Variants in LDLRAD3 observed in about 807,000 individuals in gnomAD.
LDLRAD3 encodes low density lipoprotein receptor class A domain containing 3, also known as low-density lipoprotein receptor class A domain-containing protein 3.
LDLRAD3 carries 20 observed loss-of-function variants against 29.4 expected under a neutral mutation model. That is an observed-to-expected ratio of 0.68 (90% confidence interval 0.48 to 0.99). The LOEUF (loss-of-function observed/expected upper bound fraction) is 0.99, where lower values mean the gene tolerates loss of function less well. Ranked by LOEUF, LDLRAD3 falls within the 50% of genes least tolerant of loss-of-function variation. The pLI is 0.00. For synonymous variants in LDLRAD3, 157 were observed against 192.7 expected (o/e 0.81, Z 1.53); for missense variants, 420 against 454.3 (o/e 0.92, Z 0.69).
chr11:35,969,220 G>A (rs564467771), intron 1 of LDLRAD3, among the ~76,000 whole-genome samples: 2 of 152,270 alleles, frequency 1.3e-5, no homozygotes, highest in African/African-American at 2.4e-5. Flanking sequence ...CTCTGCTCAC[G>A]CTGGTGTGAA....
At chr11:36,008,273 G>A (rs1351508334) in intron 1 of LDLRAD3, among the ~76,000 whole-genome samples, 3 of 152,152 alleles carry the variant, frequency 2.0e-5, no homozygotes, top group African/African-American at 4.8e-5. Flanking sequence ...CCATTTGAAT[G>A]TGCACCTGAG....
At chr11:35,994,592 C>G (rs1386088320) in intron 1 of LDLRAD3, among the ~76,000 whole-genome samples, 2 of 152,110 alleles carry the variant, frequency 1.3e-5, no homozygotes, top group Non-Finnish European at 2.9e-5. Flanking sequence ...GTGGCATTTT[C>G]TTAAAATAAG....
chr11:36,018,095 A>C (rs1224865320), intron 1 of LDLRAD3, among the ~76,000 whole-genome samples: 3 of 152,174 alleles, frequency 2.0e-5, no homozygotes, highest in Non-Finnish European at 4.4e-5. Context: ...GTTGATGTGG[A>C]TGGTCTGCGG....
chr11:36,061,693 A>G (rs1852703007), intron 2 of LDLRAD3, among the ~76,000 whole-genome samples: 1 of 152,222 alleles, frequency 6.6e-6, no homozygotes. Flanking sequence ...TAGTAAGTAG[A>G]AAAGACTCGA....
At chr11:36,068,244 AT>A (rs913993848) in intron 2 of LDLRAD3, among the ~76,000 whole-genome samples, 7 of 152,202 alleles carry the variant, frequency 4.6e-5, no homozygotes, top group African/African-American at 1.7e-4. Flanking sequence ...TTTCCACCTC[AT>A]TTTTCTCAGG....
At chr11:35,981,692 G>A (rs957458500) in intron 1 of LDLRAD3, among the ~76,000 whole-genome samples, 2 of 152,114 alleles carry the variant, frequency 1.3e-5, no homozygotes, top group Non-Finnish European at 2.9e-5. Context: ...TGCCAAAGTC[G>A]CATTGGCAGG....
intron 4 of LDLRAD3, among the ~76,000 whole-genome samples, chr11:36,112,950 C>T (rs983138469): frequency 1.3e-5 from 2 of 152,146 alleles, no homozygotes; most frequent in African/African-American, 4.8e-5. Context: ...GAGTGGATTG[C>T]AAGCTCTTAC....
intron 2 of LDLRAD3, among the ~76,000 whole-genome samples, chr11:36,080,542 C>A (rs1198553466): frequency 6.6e-6 from 1 of 152,166 alleles, no homozygotes; most frequent in African/African-American, 2.4e-5. Flanking sequence ...GATTTTCCAG[C>A]TGTGTGACCT....
At chr11:35,997,415 G>A in intron 1 of LDLRAD3, 1 of 419,066 alleles carries the variant, frequency 2.4e-6, no homozygotes. Context: ...ATCTCTTTGT[G>A]GTTCCTTGAG....
chr11:36,216,156 G>A (rs1347703472), intron 4 of LDLRAD3, among the ~76,000 whole-genome samples: 2 of 152,212 alleles, frequency 1.3e-5, no homozygotes, highest in African/African-American at 4.8e-5. Context: ...CGAGAAGAGA[G>A]GATGGGGCTA....
chr11:36,102,543 G>T (rs1277951168), intron 4 of LDLRAD3, among the ~76,000 whole-genome samples: 1 of 152,014 alleles, frequency 6.6e-6, no homozygotes, highest in South Asian at 2.1e-4. Context: ...CTTATCCTTG[G>T]CCTTGAAAAC....
intron 4 of LDLRAD3, among the ~76,000 whole-genome samples, chr11:36,141,031 T>TCTCTCTCTCG (rs1590301195): frequency 6.8e-6 from 1 of 146,878 alleles, no homozygotes; most frequent in Admixed American, 6.8e-5. Context: ...TCTCTCTCTC[T>TCTCTCTCTCG]CTCTCCGTGT....
At chr11:36,159,602 TAAA>T (rs66512652) in intron 4 of LDLRAD3, among the ~76,000 whole-genome samples, 266 of 58,460 alleles carry the variant, frequency 4.6e-3, no homozygotes, top group African/African-American at 0.015. Flanking sequence ...TTACAGAAAC[TAAA>T]AAAAAAAAAA....
chr11:35,996,111 T>G (rs1268071146), intron 1 of LDLRAD3, among the ~76,000 whole-genome samples: 1 of 152,246 alleles, frequency 6.6e-6, no homozygotes, highest in African/African-American at 2.4e-5. Context: ...CCAAGAGGCC[T>G]GGCTTTCTTC....
intron 1 of LDLRAD3, among the ~76,000 whole-genome samples, chr11:36,006,015 G>C (rs1851880728): frequency 6.6e-6 from 1 of 152,156 alleles, no homozygotes; most frequent in Non-Finnish European, 1.5e-5. Context: ...GATTTGGACA[G>C]AGACACAAAT....
At chr11:36,078,477 T>TC (rs1853054307) in intron 2 of LDLRAD3, among the ~76,000 whole-genome samples, 1 of 152,164 alleles carries the variant, frequency 6.6e-6, no homozygotes, top group African/African-American at 2.4e-5. Context: ...CGTGCACACA[T>TC]CCGGCTGGGT....
chr11:36,157,327 AGGGAGACCTCT>A lies in LDLRAD3; in HGVS notation c.454+58870_454+58880del, dbSNP rs1056844760. The stretch of plus-strand genomic sequence containing the variant: ...AACTCAAAATGAGTTGTCCAGATAA[AGGGAGACCTCT>A]GGGGGATGCCAGACAAACTTGGTCT... On this transcript the variant is annotated intron_variant, in intron 4 of 5. Coordinates refer to ENST00000315571, the MANE Select transcript of LDLRAD3 (RefSeq NM_174902.4). Among the ~76,000 whole-genome samples, 63 of 152,334 alleles carry A rather than the reference AGGGAGACCTCT, an allele frequency of 4.1e-4. 1 individual carries two copies. The highest frequency in any genetic ancestry group is 1.4e-3 in the African/African-American group (59 of 41,572).
chr11:35,949,251 G>T (rs1207103605), intron 1 of LDLRAD3, among the ~76,000 whole-genome samples: 1 of 152,092 alleles, frequency 6.6e-6, no homozygotes, highest in Non-Finnish European at 1.5e-5. Flanking sequence ...TTCTATATGT[G>T]GTTTCCTTGG....
intron 4 of LDLRAD3, among the ~76,000 whole-genome samples, chr11:36,222,180 CT>C (rs1432574934): frequency 1.3e-5 from 2 of 152,122 alleles, no homozygotes; most frequent in African/African-American, 4.8e-5. Context: ...AGAGATCTTC[CT>C]TCTTAGCCTC....
Sources: allele counts gnomAD v4.1 joint callset (sites outside exome capture counted in the v4.1 genomes callset), GRCh38; gene constraint gnomAD v4.1.1; transcripts MANE v1.5; gene names NCBI Gene and HGNC (gene_info 2026-07-23, HGNC 2026-07-21).